The following CDH12 variants were observed in gnomAD, a reference collection of about 807,000 sequenced individuals.
CDH12 encodes the protein cadherin 12, also known as cadherin-12.
In CDH12, 41 loss-of-function variants were observed where a neutral mutation model predicts 74.1. The ratio of observed to expected loss-of-function variants is 0.55; its 90% CI spans 0.43 to 0.72. CDH12 has a LOEUF of 0.72. Among genes scored for constraint, CDH12 ranks in the 30% least tolerant of loss-of-function variants. The pLI is 0.00. For synonymous variants in CDH12, 399 were observed against 355.0 expected (o/e 1.12, Z -1.39); for missense variants, 945 against 977.2 (o/e 0.97, Z 0.44).
intron 3 of CDH12, among the ~76,000 whole-genome samples, chr5:22,380,274 T>C (rs1741703568): frequency 6.6e-6 from 1 of 152,190 alleles, no homozygotes; most frequent in African/African-American, 2.4e-5. Context: ...CACTGGGGAC[T>C]TTTCAGCATA....
chr5:22,131,044 C>T (rs1746153388), intron 4 of CDH12, among the ~76,000 whole-genome samples: 1 of 152,018 alleles, frequency 6.6e-6, no homozygotes, highest in African/African-American at 2.4e-5. Context: ...TAGTGTATCT[C>T]ATTTTAGGAA....
At chr5:22,701,028 C>T (rs1469513547) in intron 1 of CDH12, among the ~76,000 whole-genome samples, 2 of 152,128 alleles carry the variant, frequency 1.3e-5, no homozygotes, top group African/African-American at 2.4e-5. Context: ...AAAGCTCAGT[C>T]ACTGACCCAC....
chr5:21,986,306 G>T (rs1381589419), intron 5 of CDH12, among the ~76,000 whole-genome samples: 1 of 152,112 alleles, frequency 6.6e-6, no homozygotes, highest in Admixed American at 6.6e-5. Context: ...CCCCAATGCT[G>T]TCTTTTATCT....
At chr5:21,786,485 C>A (rs904068580) in intron 10 of CDH12, among the ~76,000 whole-genome samples, 6 of 151,922 alleles carry the variant, frequency 3.9e-5, no homozygotes, top group South Asian at 2.1e-4. Flanking sequence ...ACTGTTGAGA[C>A]CCACAGCTCA....
intron 4 of CDH12, among the ~76,000 whole-genome samples, chr5:22,140,246 C>T (rs1450837993): frequency 1.3e-5 from 2 of 151,468 alleles, no homozygotes; most frequent in Non-Finnish European, 2.9e-5. Context: ...GATTTCTCAG[C>T]TAAAAAAAGG....
At chr5:22,457,426 T>C (rs1232455361) in intron 2 of CDH12, among the ~76,000 whole-genome samples, 1 of 130,834 alleles carries the variant, frequency 7.6e-6, no homozygotes, top group Non-Finnish European at 1.6e-5. Context: ...TTCTTCTTCA[T>C]TTTTTTTTTT....
chr5:22,637,422 G>T (rs761435396), intron 1 of CDH12, among the ~76,000 whole-genome samples: 1 of 152,082 alleles, frequency 6.6e-6, no homozygotes, highest in Non-Finnish European at 1.5e-5. Context: ...TTCCTTACAC[G>T]GGTGATGATC....
intron 3 of CDH12, among the ~76,000 whole-genome samples, chr5:22,242,324 C>T (rs752573989): frequency 1.3e-5 from 2 of 151,980 alleles, no homozygotes; most frequent in Non-Finnish European, 2.9e-5. Flanking sequence ...GATATGAATG[C>T]GTTTGTTAAT....
At chr5:22,579,879 T>C (rs1255904938) in intron 1 of CDH12, among the ~76,000 whole-genome samples, 1 of 152,164 alleles carries the variant, frequency 6.6e-6, no homozygotes, top group East Asian at 1.9e-4. Context: ...GGTCAAATCT[T>C]ATTTTGCTAA....
At chr5:22,271,524 A>G (rs573316816) in intron 3 of CDH12, among the ~76,000 whole-genome samples, 8 of 152,330 alleles carry the variant, frequency 5.3e-5, no homozygotes, top group Non-Finnish European at 8.8e-5. Flanking sequence ...TCTTAAGAGC[A>G]TCTTGCTTGG....
intron 3 of CDH12, among the ~76,000 whole-genome samples, chr5:22,376,455 G>A (rs1183267159): frequency 6.6e-6 from 1 of 152,126 alleles, no homozygotes; most frequent in Non-Finnish European, 1.5e-5. Flanking sequence ...GAGAGGACTT[G>A]AAATGTTTCT....
chr5:22,303,170 A>G (rs1737963137), intron 3 of CDH12, among the ~76,000 whole-genome samples: 1 of 152,120 alleles, frequency 6.6e-6, no homozygotes, highest in Admixed American at 6.5e-5. Context: ...TTGAGAAAGG[A>G]GCACTTTAAA....
At chr5:22,132,217 C>A (rs897733735) in intron 4 of CDH12, among the ~76,000 whole-genome samples, 5 of 151,720 alleles carry the variant, frequency 3.3e-5, no homozygotes, top group African/African-American at 4.8e-5. Flanking sequence ...GAAGCACCTG[C>A]TTGAGGGATG....
intron 1 of CDH12, among the ~76,000 whole-genome samples, chr5:22,518,738 A>G (rs191418596): frequency 2.0e-4 from 31 of 152,346 alleles, no homozygotes; most frequent in South Asian, 4.1e-4. Flanking sequence ...ATAGTCAACG[A>G]CAATGGCATG....
chr5:22,711,280 G>T (rs1743272503), intron 1 of CDH12, among the ~76,000 whole-genome samples: 1 of 152,038 alleles, frequency 6.6e-6, no homozygotes, highest in Non-Finnish European at 1.5e-5. Context: ...TTGCTGAAAT[G>T]GATTCTAGAT....
intron 3 of CDH12, among the ~76,000 whole-genome samples, chr5:22,252,993 A>C (rs1753185327): frequency 6.6e-6 from 1 of 151,762 alleles, no homozygotes; most frequent in Admixed American, 6.6e-5. Flanking sequence ...ACTAAGAGCA[A>C]CTCCATTTGT....
chr5:22,651,746 A>G (rs925909752), intron 1 of CDH12, among the ~76,000 whole-genome samples: 1 of 151,730 alleles, frequency 6.6e-6, no homozygotes, highest in Admixed American at 6.6e-5. Context: ...ATTGATTGTC[A>G]TGATGGATGC....
At chr5:22,799,655 A>G (rs1203342087) in intron 1 of CDH12, among the ~76,000 whole-genome samples, 1 of 152,138 alleles carries the variant, frequency 6.6e-6, no homozygotes, top group African/African-American at 2.4e-5. Flanking sequence ...TTTTATTGAA[A>G]TCTCCAAAAG....
intron 3 of CDH12, among the ~76,000 whole-genome samples, chr5:22,234,720 A>C (rs1277093845): frequency 6.6e-6 from 1 of 151,724 alleles, no homozygotes; most frequent in African/African-American, 2.4e-5. Context: ...GTGTGTGTAG[A>C]TATTTATCTG....
Sources: allele counts gnomAD v4.1 joint callset (sites outside exome capture counted in the v4.1 genomes callset), GRCh38; gene constraint gnomAD v4.1.1; transcripts MANE v1.5; gene names NCBI Gene and HGNC (gene_info 2026-07-23, HGNC 2026-07-21).